The following NTHL1 variants were observed in gnomAD, a reference collection of about 807,000 sequenced individuals.
NTHL1 encodes endonuclease III-like protein 1.
In NTHL1, 32 loss-of-function variants were observed where a neutral mutation model predicts 32.3. The ratio of observed to expected loss-of-function variants is 0.99; its 90% CI spans 0.75 to 1.33. NTHL1 has a LOEUF of 1.33. Ranked by LOEUF, NTHL1 falls within the 40% of genes most tolerant of loss-of-function variation. The probability of loss-of-function intolerance (pLI) is 0.00; values close to 1 mark genes in which losing one functional copy is unlikely to be tolerated. For missense variants in NTHL1, 501 were observed against 414.1 expected, an observed-to-expected ratio of 1.21 and a Z score of -1.82; for synonymous variants, 188 against 176.9, an observed-to-expected ratio of 1.06 and a Z score of -0.50.
Position 2,046,384 on chromosome 16 carries a change from C to T in NTHL1, c.116-18G>A, listed in dbSNP as rs748408253. The T allele has an allele frequency of 1.9e-6, 3 of 1,599,144 alleles. No individual in the cohort carries two copies. Among genetic ancestry groups the T allele is most frequent in the African/African-American group, 2.7e-5 (2 of 74,790 alleles). ...CCTCGCTTCTGCAAAAAGCACCACGCAGTCCCTCTGGTGGGGCCACAGGTG... is the reference window on the plus strand; with the variant it reads ...CCTCGCTTCTGCAAAAAGCACCACGTAGTCCCTCTGGTGGGGCCACAGGTG... On this transcript the variant is annotated intron_variant, in intron 1 of 5. Transcript: ENST00000651570.
intron 4 of NTHL1, chr16:2,042,032 C>T: frequency 2.2e-6 from 1 of 456,016 alleles, no homozygotes; most frequent in Non-Finnish European, 4.4e-6. Flanking sequence ...GGATTACAGG[C>T]TTGAGCCCTT....
At position 2,043,790 on chromosome 16, in the gene NTHL1, C is replaced by A; in HGVS notation, c.526-64G>T. Reference sequence around the variant, plus strand: ...CACAGCCCAACCTGGGAGGATGCAGCCCCCAGGAGACCCACAGGTGGCCAG... The same window carrying A: ...CACAGCCCAACCTGGGAGGATGCAGACCCCAGGAGACCCACAGGTGGCCAG... On this transcript the variant is annotated intron_variant, in intron 3 of 5. Coordinates refer to ENST00000651570, the MANE Select transcript of NTHL1 (RefSeq NM_002528.7). This position sits in a 1 kb window ranked among gnomAD's most constrained non-coding sequence, Gnocchi z 4.4. The A allele has an allele frequency of 6.3e-7, 1 of 1,588,216 alleles. No homozygotes were observed. The highest frequency in any genetic ancestry group is 8.6e-7 in the Non-Finnish European group (1 of 1,167,376).
At position 2,044,493 on chromosome 16, in the gene NTHL1, G is replaced by C. The variant is rs879865673; in HGVS notation, c.525+137C>G. Reference sequence around the variant, plus strand: ...GTCAGGCCTCAGGGCCCCACGGCCTGGGGGGGGCTTCAGGGGGACCCCCCG... The same window carrying C: ...GTCAGGCCTCAGGGCCCCACGGCCTCGGGGGGGCTTCAGGGGGACCCCCCG... On this transcript the variant is annotated intron_variant, in intron 3 of 5. Coordinates refer to ENST00000651570, the MANE Select transcript of NTHL1 (RefSeq NM_002528.7). The surrounding 1 kb of genome is among the most constrained non-coding windows in gnomAD (Gnocchi z 5.0). 9.2e-6 allele frequency: 10 copies of C among 1,087,998 alleles called. No individual in the cohort carries two copies. Among genetic ancestry groups the C allele is most frequent in the African/African-American group, 3.1e-5 (2 of 64,734 alleles). The allele number at this position is 1,087,998 out of a possible 1,614,324, so 67.4% of individuals were successfully genotyped here. A position where few individuals can be genotyped will look rare whatever the true frequency, so the allele number is the denominator to read the frequency against.
In NTHL1 at chr16:2,043,243, G is replaced by C. The variant is rs2084293496; in HGVS notation, c.685+324C>G. Among the ~76,000 whole-genome samples the C allele has an allele frequency of 6.6e-6, 1 of 151,832 alleles. No individual in the cohort carries two copies. Among genetic ancestry groups the C allele is most frequent in the South Asian group, 2.1e-4 (1 of 4,820 alleles). On this transcript the variant is annotated intron_variant, in intron 4 of 5. Transcript: ENST00000651570. This position sits in a 1 kb window ranked among gnomAD's most constrained non-coding sequence, Gnocchi z 4.4. ...CCTGGGCCCAAGCCAGGCCCCAAGA[G>C]CACCCTGCACAACCATCAGGGTTTC...
At chr16:2,047,633 C>T in intron 1 of NTHL1, 76 bp downstream of exon 1, 1 of 1,505,422 alleles carries the variant, frequency 6.6e-7, no homozygotes, top group Non-Finnish European at 8.8e-7. Context: ...CTGGGAGCCG[C>T]AGGAGGCGGC....
At chr16:2,046,014 C>T (rs2084352650) in intron 2 of NTHL1, 114 bp downstream of exon 2, 1 of 801,586 alleles carries the variant, frequency 1.2e-6, no homozygotes. Flanking sequence ...GGGTGTCCAT[C>T]CTCCCAAGGT....
intron 4 of NTHL1, chr16:2,042,173 C>G (rs1443672015): frequency 4.5e-6 from 2 of 448,086 alleles, no homozygotes; most frequent in Non-Finnish European, 9.0e-6. Flanking sequence ...TTCCACATGG[C>G]TGTCTCTTGT....
intron 4 of NTHL1, among the ~76,000 whole-genome samples, chr16:2,042,785 C>T (rs1024714204): frequency 7.1e-6 from 1 of 141,626 alleles, no homozygotes; most frequent in African/African-American, 2.6e-5. Flanking sequence ...GCCTCCCTCC[C>T]CACCCTCCCC....
In NTHL1 at chr16:2,043,631, C is replaced by G. The variant is rs745383145; in HGVS notation, c.621G>C (p.Pro207=). The G allele has an allele frequency of 1.2e-6, 2 of 1,611,202 alleles. No individual in the cohort carries two copies. The highest frequency in any genetic ancestry group is 1.7e-6 in the Non-Finnish European group (2 of 1,179,980). Reference sequence around the variant, plus strand: ...GGTGTGCCATCTTGGGCCCAACACCCGGCAGCGCCACCAGCTCGGCCACAG... The same window carrying G: ...GGTGTGCCATCTTGGGCCCAACACCGGGCAGCGCCACCAGCTCGGCCACAG... ...PASVAELVAL[P]GVGPKMAHLA... The change falls in exon 4 of 6, where the codon CCG becomes CCC. Residue 207 remains proline (P), a synonymous_variant. Coordinates refer to ENST00000651570, the MANE Select transcript of NTHL1 (RefSeq NM_002528.7). The surrounding 1 kb of genome is among the most constrained non-coding windows in gnomAD (Gnocchi z 4.4).
At position 2,043,850 on chromosome 16, in the gene NTHL1, C is replaced by T. The variant is rs2084303472; in HGVS notation, c.526-124G>A. 7 of 1,155,986 alleles carry T rather than the reference C, an allele frequency of 6.1e-6. No individual in the cohort carries two copies. The highest frequency in any genetic ancestry group is 1.5e-5 in the African/African-American group (1 of 66,036). The allele number at this position is 1,155,986 out of a possible 1,614,324, so 71.6% of individuals were successfully genotyped here. On this transcript the variant is annotated intron_variant, in intron 3 of 5. Transcript: ENST00000651570. The surrounding 1 kb of genome is among the most constrained non-coding windows in gnomAD (Gnocchi z 4.4). The stretch of plus-strand genomic sequence containing the variant: ...CACCTGCTGAGGACGTGTGCAAGCT[C>T]AGCCCCCGCCCCCCAGGAGGCGGGA...
rs757340679 is a variant in NTHL1, at chr16:2,040,089, C to T, written c.792-42G>A. 2.0e-5 allele frequency: 33 copies of T among 1,612,366 alleles called. No homozygotes were observed. The East Asian group carries it at 3.1e-4, about 15-fold the overall frequency. On this transcript the variant is annotated intron_variant, in intron 5 of 5. Transcript: ENST00000651570. ...TGGGTCAGTGCTGACAGAGGGCGGG[C>T]GGGGTGAGCTCTTCTCCCTAGGAAG...
Position 2,046,132 on chromosome 16 carries a change from G to A in NTHL1, c.350C>T (p.Pro117Leu), listed in dbSNP as rs777263711. Residue 117 changes from proline to leucine, a missense_variant, in exon 2 of 6, where the codon CCA (proline) becomes CTA (leucine). By Grantham distance (98) the Pro-to-Leu change is moderately conservative. Transcript: ENST00000651570. Reference protein sequence around the residue: ...TEHCYDSSAPPKVRRYQVLLS... With the variant: ...TEHCYDSSAPLKVRRYQVLLS... ...GCAGATGGGGCCCCTGCCTACCTTTGGGGGGGCACTGGAGTCATAGCAGTG... is the reference window on the plus strand; with the variant it reads ...GCAGATGGGGCCCCTGCCTACCTTTAGGGGGGCACTGGAGTCATAGCAGTG... 3.0e-5 allele frequency: 48 copies of A among 1,611,088 alleles called. No individual in the cohort carries two copies. The highest frequency in any genetic ancestry group is 6.7e-5 in the Admixed American group (4 of 59,968).
rs746192138 is a variant in NTHL1, at chr16:2,044,630, C to A, written c.525G>T (p.Arg175Ser). 6.2e-7 allele frequency: 1 copy of A among 1,603,240 alleles called. No homozygotes were observed. Among genetic ancestry groups the A allele is most frequent in the Non-Finnish European group, 8.5e-7 (1 of 1,179,892 alleles). The change falls in exon 3 of 6, where the codon AGG (arginine) becomes AGT (serine). Residue 175 changes from arginine to serine, a missense_variant and splice_region_variant. Transcript: ENST00000651570. This position sits in a 1 kb window ranked among gnomAD's most constrained non-coding sequence, Gnocchi z 5.0. ...CCCCGTTGCCACAGGCAGGGCTCAC[C>A]CTCCAGAAACCGACGGGGTAGATGA... ...GKLIYPVGFWRSKVKYIKQTS... is the reference protein window; with the variant it reads ...GKLIYPVGFWSSKVKYIKQTS...
Position 2,047,780 on chromosome 16 carries a change from A to AGGCTCC in NTHL1, c.38_43dup (p.Arg13_Ser14dup), listed in dbSNP as rs2084525681. On this transcript the variant is annotated inframe_insertion, in exon 1 of 6. Transcript: ENST00000651570. ...CCCCCGCGGCCCAGCCCCGGGTCCC[A>AGGCTCC]GGCTCCGGCTCCGGGTCAGCATCCT... 1 of 1,589,094 alleles carries AGGCTCC rather than the reference A, an allele frequency of 6.3e-7. No homozygotes were observed. Among genetic ancestry groups the AGGCTCC allele is most frequent in the East Asian group, 2.3e-5 (1 of 43,906 alleles).
At chr16:2,041,639 G>A (rs1176871279) in intron 4 of NTHL1, among the ~76,000 whole-genome samples, 3 of 149,598 alleles carry the variant, frequency 2.0e-5, no homozygotes, top group Non-Finnish European at 4.4e-5. Context: ...ACGGAGTCAC[G>A]CTTTGTCGCC....
chr16:2,045,052 T>C (rs1170502601), intron 2 of NTHL1, among the ~76,000 whole-genome samples: 1 of 152,182 alleles, frequency 6.6e-6, no homozygotes, highest in Non-Finnish European at 1.5e-5. Flanking sequence ...TAGAATCGTA[T>C]GTGGCCGGGC....
rs1021368788 is a variant in NTHL1 at position 2,044,191 on chromosome 16, G to A, written c.525+439C>T. 9.2e-6 allele frequency: 3 copies of A among 326,954 alleles called. No individual in the cohort carries two copies. Among genetic ancestry groups the A allele is most frequent in the Admixed American group, 8.7e-5 (2 of 22,892 alleles). 20.3% of individuals were successfully genotyped at this position (326,954 alleles called of 1,614,324 possible). ...CTGCGGCCCACGCGGGTGCCAAGGGGAAGCGGCCCCACCCACCAAGCTGCT... is the reference window on the plus strand; with the variant it reads ...CTGCGGCCCACGCGGGTGCCAAGGGAAAGCGGCCCCACCCACCAAGCTGCT... On this transcript the variant is annotated intron_variant, in intron 3 of 5. Coordinates refer to ENST00000651570, the MANE Select transcript of NTHL1 (RefSeq NM_002528.7). The surrounding 1 kb of genome is among the most constrained non-coding windows in gnomAD (Gnocchi z 5.0).
At position 2,039,952 on chromosome 16, in the gene NTHL1, G is replaced by A. The variant is rs2084236411; in HGVS notation, c.887C>T (p.Ala296Val). 2 of 1,606,190 alleles carry A rather than the reference G, an allele frequency of 1.2e-6. No individual in the cohort carries two copies. Among genetic ancestry groups the A allele is most frequent in the Non-Finnish European group, 1.7e-6 (2 of 1,179,912 alleles). Residue 296 changes from alanine to valine, a missense_variant, in exon 6 of 6, where the codon GCC becomes GTC. Transcript: ENST00000651570. Reference sequence around the variant, plus strand: ...GAGACCCTGGGCGGCCGGGCAGAGGGCTTGGTTGAGGCAGGCGTGGCAGCG... The same window carrying A: ...GAGACCCTGGGCGGCCGGGCAGAGGACTTGGTTGAGGCAGGCGTGGCAGCG... The part of the protein sequence containing the change: ...HPRCHACLNQ[A>V]LCPAAQGL
rs1411394625 is a variant in NTHL1 at position 2,046,367 on chromosome 16, C to T, written c.116-1G>A. On this transcript the variant is annotated splice_acceptor_variant, in intron 1 of 5. Coordinates refer to ENST00000651570, the MANE Select transcript of NTHL1 (RefSeq NM_002528.7). LOFTEE classifies it high-confidence loss of function. ...ACGGGGCTGTGGCTTTTCCTCGCTT[C>T]TGCAAAAAGCACCACGCAGTCCCTC... is the stretch of plus-strand genomic sequence containing the variant. 3.1e-6 allele frequency: 5 copies of T among 1,603,518 alleles called. No homozygotes were observed. The highest frequency in any genetic ancestry group is 4.3e-6 in the Non-Finnish European group (5 of 1,173,406).
Sources: gnomAD v4.1 joint callset for allele counts (sites outside exome capture counted in the v4.1 genomes callset) on GRCh38, gnomAD v4.1.1 for gene constraint, Gnocchi (gnomAD v3.1) non-coding constraint, MANE v1.5 for transcripts, NCBI Gene and HGNC (gene_info 2026-07-23, HGNC 2026-07-21) for gene names.